PEPD: variants seen among roughly 807,000 people sequenced by gnomAD.
PEPD encodes peptidase D.
A neutral mutation model predicts 60.7 loss-of-function variants in PEPD; 53 were observed. That is an observed-to-expected ratio of 0.87 (90% CI 0.70 to 1.10). The LOEUF (loss-of-function observed/expected upper bound fraction) is 1.10. Ranked by LOEUF, PEPD falls within the 50% of genes least tolerant of loss-of-function variation. The pLI is 0.00. For synonymous variants in PEPD, 267 were observed against 284.1 expected, an observed-to-expected ratio of 0.94 and a Z score of 0.60; for missense variants, 711 against 711.9, an observed-to-expected ratio of 1.00 and a Z score of 0.01.
intron 9 of PEPD, among the ~76,000 whole-genome samples, chr19:33,453,593 CAT>C (rs974532379): frequency 6.5e-4 from 99 of 152,264 alleles, no homozygotes; most frequent in African/African-American, 2.0e-3. Flanking sequence ...TTTTTTGAGA[CAT>C]AATGTTATTG....
chr19:33,389,353 CG>C (rs1968158762), intron 13 of PEPD, among the ~76,000 whole-genome samples: 1 of 152,314 alleles, frequency 6.6e-6, no homozygotes, highest in South Asian at 2.1e-4. Flanking sequence ...GCTGAGGAAC[CG>C]TATGGAGTGA....
chr19:33,445,685 G>A (rs140697704), intron 9 of PEPD, among the ~76,000 whole-genome samples: 1 of 152,314 alleles, frequency 6.6e-6, no homozygotes, highest in African/African-American at 2.4e-5. Context: ...GTGGTCTTTT[G>A]TGGGGCAGCC....
intron 3 of PEPD, among the ~76,000 whole-genome samples, chr19:33,502,625 G>A (rs1970733401): frequency 6.6e-6 from 1 of 151,984 alleles, no homozygotes; most frequent in African/African-American, 2.4e-5. Flanking sequence ...GCCTCTGATT[G>A]GTTGCAGAAG....
chr19:33,442,388 CAG>C (rs1969495346), intron 9 of PEPD, among the ~76,000 whole-genome samples: 1 of 147,362 alleles, frequency 6.8e-6, no homozygotes, highest in Non-Finnish European at 1.5e-5. Context: ...GGCTGGGTGA[CAG>C]AGTGAGACTC....
intron 7 of PEPD, among the ~76,000 whole-genome samples, chr19:33,470,147 T>A (rs562449830): frequency 6.3e-4 from 95 of 151,458 alleles, no homozygotes; most frequent in Middle Eastern, 6.9e-3. Flanking sequence ...CCACTCCCCC[T>A]CCACGACCTC....
At chr19:33,420,970 T>C (rs1969003232) in intron 9 of PEPD, among the ~76,000 whole-genome samples, 1 of 152,194 alleles carries the variant, frequency 6.6e-6, no homozygotes, top group Admixed American at 6.5e-5. Context: ...TATGGTCTCT[T>C]GCGTTGGCTG....
intron 1 of PEPD, 98 bp from the exon 2 acceptor site, chr19:33,512,874 C>A: frequency 2.2e-6 from 3 of 1,363,102 alleles, no homozygotes; most frequent in Non-Finnish European, 3.1e-6. Flanking sequence ...CCGAGCCTGC[C>A]GTGGGACCCC....
intron 9 of PEPD, among the ~76,000 whole-genome samples, chr19:33,453,317 A>AAAAAATATAAAT (rs1555762504): frequency 5.4e-5 from 8 of 148,656 alleles, no homozygotes; most frequent in African/African-American, 2.0e-4. Flanking sequence ...CTGTCATAAA[A>AAAAAATATAAAT]AAATAAATAA....
chr19:33,424,619 C>G (rs765710702), intron 9 of PEPD, among the ~76,000 whole-genome samples: 1 of 152,102 alleles, frequency 6.6e-6, no homozygotes, highest in Non-Finnish European at 1.5e-5. Flanking sequence ...GCGGGAGGAT[C>G]GCTGGAGTCC....
intron 7 of PEPD, among the ~76,000 whole-genome samples, chr19:33,469,609 G>T (rs1348589818): frequency 6.6e-6 from 1 of 151,946 alleles, no homozygotes; most frequent in African/African-American, 2.4e-5. Flanking sequence ...CTCTTCCCAA[G>T]CTCACACGCC....
At chr19:33,439,058 C>T (rs536333054) in intron 9 of PEPD, among the ~76,000 whole-genome samples, 120 of 152,352 alleles carry the variant, frequency 7.9e-4, no homozygotes, top group African/African-American at 2.8e-3. Context: ...GCCAGTGGCA[C>T]AGTTCTCCTC....
chr19:33,408,450 G>A (rs1462343543), intron 11 of PEPD, among the ~76,000 whole-genome samples: 1 of 152,236 alleles, frequency 6.6e-6, no homozygotes, highest in East Asian at 1.9e-4. Flanking sequence ...CACAGCCTCG[G>A]TCAGTTCCCT....
In PEPD at chr19:33,391,491, A is replaced by G. The variant is rs1968220440; in HGVS notation, c.968-12T>C. 6.5e-6 allele frequency: 10 copies of G among 1,548,426 alleles called. No homozygotes were observed. Among genetic ancestry groups the G allele is most frequent in the Non-Finnish European group, 7.8e-6 (9 of 1,146,742 alleles). On this transcript the variant is annotated splice_polypyrimidine_tract_variant and intron_variant, in intron 12 of 14. Transcript: ENST00000244137. ...AGGCCACCAGACACCTGTGGGCCAG[A>G]GGGAGCTGCCGTGAGCCACAGAGCC...
chr19:33,397,110 C>T (rs897978778), intron 12 of PEPD, among the ~76,000 whole-genome samples: 1 of 152,172 alleles, frequency 6.6e-6, no homozygotes, highest in South Asian at 2.1e-4. Flanking sequence ...GCCTGCCCTG[C>T]CACCCGCCTG....
At chr19:33,492,809 G>A (rs956639488) in intron 5 of PEPD, among the ~76,000 whole-genome samples, 4 of 152,170 alleles carry the variant, frequency 2.6e-5, no homozygotes, top group African/African-American at 9.7e-5. Context: ...CTCAAGGATG[G>A]GGTCCCATAA....
At chr19:33,404,708 GAGGGGGA>G (rs1291556629) in intron 11 of PEPD, among the ~76,000 whole-genome samples, 1 of 152,124 alleles carries the variant, frequency 6.6e-6, no homozygotes, top group Non-Finnish European at 1.5e-5. Flanking sequence ...CTGCTTTCTG[GAGGGGGA>G]AGTATACACC....
At chr19:33,437,816 G>A (rs941361949) in intron 9 of PEPD, among the ~76,000 whole-genome samples, 3 of 152,116 alleles carry the variant, frequency 2.0e-5, no homozygotes, top group Non-Finnish European at 2.9e-5. Context: ...GGCACGCCCC[G>A]ACCGTGCAGT....
At chr19:33,460,034 C>T (rs987353625) in intron 9 of PEPD, among the ~76,000 whole-genome samples, 2 of 152,184 alleles carry the variant, frequency 1.3e-5, no homozygotes, top group African/African-American at 2.4e-5. Context: ...AGCTGCCCCC[C>T]AGCCTTCCCT....
At chr19:33,447,002 C>A (rs1229135970) in intron 9 of PEPD, among the ~76,000 whole-genome samples, 1 of 152,210 alleles carries the variant, frequency 6.6e-6, no homozygotes, top group Non-Finnish European at 1.5e-5. Context: ...GACTAGACCG[C>A]CAGGGCCCTC....
Sources: gnomAD v4.1 joint callset for allele counts (sites outside exome capture counted in the v4.1 genomes callset) on GRCh38, gnomAD v4.1.1 for gene constraint, MANE v1.5 for transcripts, NCBI Gene and HGNC (gene_info 2026-07-23, HGNC 2026-07-21) for gene names.